Variants in SLC66A1 observed in about 807,000 individuals in gnomAD.
SLC66A1 encodes lysosomal amino acid transporter 1 homolog.
Under a neutral mutation model 33.0 loss-of-function variants are expected in SLC66A1, and 23 were observed. That is an observed-to-expected ratio of 0.70 (90% CI 0.50 to 0.99). The LOEUF (loss-of-function observed/expected upper bound fraction) is 0.99, where lower values mean the gene tolerates loss of function less well. Ranked by LOEUF, SLC66A1 falls within the 50% of genes least tolerant of loss-of-function variation. The pLI is 0.00. For synonymous variants in SLC66A1, 164 were observed against 175.5 expected (o/e 0.93, Z 0.52); for missense variants, 335 against 383.6 (o/e 0.87, Z 1.06).
chr1:19,325,663 AGG>A, intron 4 of SLC66A1, 81 bp downstream of exon 4: 1 of 1,210,036 alleles, frequency 8.3e-7, no homozygotes, highest in South Asian at 1.3e-5. Context: ...GGAGTGTGGG[AGG>A]AAGCGGGTTT....
chr1:19,329,636 G>T (rs1293244294), downstream of SLC66A1, among the ~76,000 whole-genome samples: 1 of 152,220 alleles, frequency 6.6e-6, no homozygotes, highest in Non-Finnish European at 1.5e-5. Context: ...TATCTCATCT[G>T]TGAAATGGAC....
At chr1:19,324,879 T>A in intron 3 of SLC66A1, 117 bp downstream of exon 3, 4 of 1,382,912 alleles carry the variant, frequency 2.9e-6, no homozygotes, top group Non-Finnish European at 3.9e-6. Context: ...TGACCCGTCA[T>A]TCCATCTTGT....
chr1:19,318,138 T>G (rs1401765046), intron 2 of SLC66A1, among the ~76,000 whole-genome samples: 1 of 152,158 alleles, frequency 6.6e-6, no homozygotes, highest in Non-Finnish European at 1.5e-5. Flanking sequence ...ACAACAACCT[T>G]GTGAAACAGG....
At chr1:19,326,461 G>C in intron 5 of SLC66A1, 70 bp from the exon 6 acceptor site, 1 of 1,612,626 alleles carries the variant, frequency 6.2e-7, no homozygotes, top group Non-Finnish European at 8.5e-7. Flanking sequence ...ACAGCCTCAT[G>C]GGTGCTAAAT....
downstream of SLC66A1, among the ~76,000 whole-genome samples, chr1:19,330,783 G>T (rs950396583): frequency 6.6e-5 from 10 of 152,188 alleles, no homozygotes; most frequent in African/African-American, 2.4e-4. Context: ...GATGGGGTTT[G>T]GTCGGGTGAA....
Position 19,324,664 on chromosome 1 carries a change from A to G in SLC66A1, c.196A>G (p.Met66Val), listed in dbSNP as rs758443874. ...CATCAAAGCCTACAAGACGGGCAAC[A>G]TGGACCAGGCGCTGTCCCTGTGGTT... The part of the protein sequence containing the change: ...QFIKAYKTGN[M>V]DQALSLWFLL... The change falls in exon 3 of 8, where the codon ATG becomes GTG. Residue 66 changes from methionine (M) to valine (V), a missense_variant. By Grantham distance (21) the Met-to-Val change is conservative. Transcript: ENST00000375153. 4 of 1,614,202 alleles carry G rather than the reference A, an allele frequency of 2.5e-6. 1 individual carries two copies. The highest frequency in any genetic ancestry group is 4.5e-5 in the East Asian group (2 of 44,890).
chr1:19,325,548 C>T lies in SLC66A1; in HGVS notation c.348C>T (p.Tyr116=). The change falls in exon 4 of 8, where the codon TAC becomes TAT. Residue 116 remains tyrosine (Y), a synonymous_variant. Coordinates refer to ENST00000375153, the MANE Select transcript of SLC66A1 (RefSeq NM_001040125.2). ...CAGACCTGGTGATGCTGACGCTGTACTTTTACTACAAGTTCAGGACGCGCC... is the reference window on the plus strand; with the variant it reads ...CAGACCTGGTGATGCTGACGCTGTATTTTTACTACAAGTTCAGGACGCGCC... ...VLADLVMLTL[Y]FYYKFRTRPS... 6.3e-7 allele frequency: 1 copy of T among 1,577,084 alleles called. No individual in the cohort carries two copies. The highest frequency in any genetic ancestry group is 8.6e-7 in the Non-Finnish European group (1 of 1,156,448).
At chr1:19,327,791 GCC>G (rs1166044090) in intron 7 of SLC66A1, 1 of 381,150 alleles carries the variant, frequency 2.6e-6, no homozygotes, top group African/African-American at 2.1e-5. Flanking sequence ...GGCAGCAAAG[GCC>G]CCTATAAGTC....
At chr1:19,333,692 C>T (rs999070248), downstream of SLC66A1, among the ~76,000 whole-genome samples, 11 of 152,160 alleles carry the variant, frequency 7.2e-5, no homozygotes, top group African/African-American at 2.7e-4. The surrounding 1 kb of genome is among the most constrained non-coding windows in gnomAD (Gnocchi z 4.2). Flanking sequence ...CGACTCATGC[C>T]TGGAATCCCA....
intron 2 of SLC66A1, among the ~76,000 whole-genome samples, chr1:19,321,667 A>C (rs1243684974): frequency 6.7e-6 from 1 of 149,366 alleles, no homozygotes; most frequent in Non-Finnish European, 1.5e-5. Flanking sequence ...CTTGGGCTGA[A>C]GTGATTCTCC....
chr1:19,319,540 A>G (rs2093822842), intron 2 of SLC66A1, among the ~76,000 whole-genome samples: 2 of 147,902 alleles, frequency 1.4e-5, no homozygotes, highest in South Asian at 2.1e-4. Flanking sequence ...CCATTCATCC[A>G]TTGATGGACA....
chr1:19,327,556 C>CCTCCCTCCCTCCCTCCCTCCCTCA (rs2093875659), intron 7 of SLC66A1, 144 bp downstream of exon 7: 1 of 1,049,712 alleles, frequency 9.5e-7, no homozygotes, highest in Non-Finnish European at 1.4e-6. Flanking sequence ...TCCCTCCCTC[C>CCTCCCTCCCTCCCTCCCTCCCTCA]ATCTGTTCAC....
downstream of SLC66A1, among the ~76,000 whole-genome samples, chr1:19,331,738 T>C (rs2093893011): frequency 6.6e-6 from 1 of 152,214 alleles, no homozygotes; most frequent in African/African-American, 2.4e-5. Context: ...TAGGTGCCCT[T>C]CCAGCCTGAA....
intron 2 of SLC66A1, among the ~76,000 whole-genome samples, chr1:19,324,298 C>G (rs1006667483): frequency 2.0e-5 from 3 of 152,230 alleles, no homozygotes; most frequent in African/African-American, 7.2e-5. Context: ...GTTGTCAGGG[C>G]CCAACACAAA....
intron 1 of SLC66A1, among the ~76,000 whole-genome samples, chr1:19,313,759 G>A (rs2093790243): frequency 6.6e-6 from 1 of 152,314 alleles, no homozygotes. Context: ...TTGAGGCCTA[G>A]CCTCAGGTAA....
Position 19,325,513 on chromosome 1 carries a change from T to TTTA in SLC66A1, c.313_314insTTA (p.Tyr105delinsPheAsn). On this transcript the variant is annotated protein_altering_variant, in exon 4 of 8. Coordinates refer to ENST00000375153, the MANE Select transcript of SLC66A1 (RefSeq NM_001040125.2). ...CTTACAGACCTACACGGCTGTGTAT[T>TTTA]ATGTCTTGGCAGACCTGGTGATGCT... 6.2e-7 allele frequency: 1 copy of TTTA among 1,609,864 alleles called. No individual in the cohort carries two copies.
At chr1:19,312,997 G>T (rs1301243184) in intron 1 of SLC66A1, 108 bp downstream of exon 1, 2 of 156,454 alleles carry the variant, frequency 1.3e-5, no homozygotes, top group African/African-American at 2.4e-5. Context: ...GCGCCTGTGT[G>T]CCCGGACGCT....
intron 2 of SLC66A1, among the ~76,000 whole-genome samples, chr1:19,322,580 G>A (rs369283268): frequency 5.2e-4 from 79 of 152,294 alleles, no homozygotes; most frequent in African/African-American, 1.8e-3. Flanking sequence ...TGGGAGGGAC[G>A]GGGATGTCAA....
chr1:19,325,633 AGT>A, intron 4 of SLC66A1, 51 bp downstream of exon 4: 1 of 873,908 alleles, frequency 1.1e-6, no homozygotes. Context: ...AGCAGGGGGC[AGT>A]TGTGGGGGGG....
Sources: allele counts gnomAD v4.1 joint callset (sites outside exome capture counted in the v4.1 genomes callset), GRCh38; gene constraint gnomAD v4.1.1; non-coding constraint Gnocchi (gnomAD v3.1); transcripts MANE v1.5; gene names NCBI Gene and HGNC (gene_info 2026-07-23, HGNC 2026-07-21).